The following FES variants were observed in gnomAD, a reference collection of about 807,000 sequenced individuals.
FES encodes the protein FES proto-oncogene, tyrosine kinase, also known as tyrosine-protein kinase Fes/Fps.
Under a neutral mutation model 109.6 loss-of-function variants are expected in FES, and 83 were observed. The ratio of observed to expected loss-of-function variants is 0.76; its 90% confidence interval spans 0.63 to 0.91. The LOEUF (loss-of-function observed/expected upper bound fraction) is 0.91, where lower values mean the gene tolerates loss of function less well. FES is among the 40% of genes least tolerant of loss of function. FES has a pLI of 0.00. For synonymous variants in FES, 458 were observed against 442.1 expected, an observed-to-expected ratio of 1.04 and a Z score of -0.45; for missense variants, 943 against 1,070.9, an observed-to-expected ratio of 0.88 and a Z score of 1.67.
chr15:90,895,142 T>C (rs1468366107), intron 18 of FES, among the ~76,000 whole-genome samples: 1 of 152,174 alleles, frequency 6.6e-6, no homozygotes, highest in East Asian at 1.9e-4. Flanking sequence ...AGGTCACATG[T>C]TATTTCATTT....
intron 12 of FES, 129 bp from the exon 13 acceptor site, chr15:90,891,927 CAG>C (rs1365055200): frequency 8.5e-7 from 1 of 1,179,568 alleles, no homozygotes; most frequent in Non-Finnish European, 1.2e-6. Context: ...GTAGTCATCT[CAG>C]TGTGCTCCCC....
chr15:90,890,902 G>GA, intron 10 of FES, 80 bp from the exon 11 acceptor site: 3 of 1,358,826 alleles, frequency 2.2e-6, no homozygotes, highest in Non-Finnish European at 3.0e-6. Context: ...ATATAGGGGG[G>GA]AGAGAGAGAC....
Position 90,893,318 on chromosome 15 carries a change from C to A in FES, c.1949C>A (p.Thr650Lys). ...GGCGACTTCCTGACCTTCCTCCGCA[C>A]GGAGGGGGCCCGCCTGCGGGTGAAG... ...QGGDFLTFLR[T>K]EGARLRVKTL... Residue 650 changes from threonine to lysine, a missense_variant, in exon 16 of 19, where the codon ACG becomes AAG. Transcript: ENST00000328850. 6.4e-7 allele frequency: 1 copy of A among 1,565,362 alleles called. No individual in the cohort carries two copies. Among genetic ancestry groups the A allele is most frequent in the Non-Finnish European group, 8.6e-7 (1 of 1,157,250 alleles).
chr15:90,887,217 A>G lies in FES; in HGVS notation c.515A>G (p.Tyr172Cys). The change falls in exon 5 of 19, where the codon TAT becomes TGT. Residue 172 changes from tyrosine (Y) to cysteine (C), a missense_variant. Transcript: ENST00000328850. ...GACCGTGACAAGGCTAAGGACAAGT[A>G]TGTGCGCAGCCTGTGGAAGCTCTTT... ...DKDRDKAKDK[Y>C]VRSLWKLFAH... 1 of 1,613,622 alleles carries G rather than the reference A, an allele frequency of 6.2e-7. No individual in the cohort carries two copies. Among genetic ancestry groups the G allele is most frequent in the Non-Finnish European group, 8.5e-7 (1 of 1,179,980 alleles).
In FES at chr15:90,891,200, G is replaced by T. The variant is rs1241249732; in HGVS notation, c.1530+9G>T. 6.4e-7 allele frequency: 1 copy of T among 1,550,914 alleles called. No individual in the cohort carries two copies. Among genetic ancestry groups the T allele is most frequent in the South Asian group, 1.2e-5 (1 of 84,208 alleles). ...TCATCCAGTCCTTGGATGTGAGTGGGGCTGGGACCCGAGCCTTCCAGGCCT... is the reference window on the plus strand; with the variant it reads ...TCATCCAGTCCTTGGATGTGAGTGGTGCTGGGACCCGAGCCTTCCAGGCCT... On this transcript the variant is annotated intron_variant, in intron 11 of 18. Coordinates refer to ENST00000328850, the MANE Select transcript of FES (RefSeq NM_002005.4).
intron 5 of FES, among the ~76,000 whole-genome samples, chr15:90,888,622 G>A (rs2856845): frequency 0.053 from 8,065 of 152,222 alleles, 755 homozygotes; most frequent in African/African-American, 0.18. Flanking sequence ...GAAGTGGGGC[G>A]TGAAATAGAG....
Position 90,892,776 on chromosome 15 carries a change from C to T in FES, c.1777C>T (p.Arg593Ter), listed in dbSNP as rs1245742044. 6 of 1,613,638 alleles carry T rather than the reference C, an allele frequency of 3.7e-6. No homozygotes were observed. The highest frequency in any genetic ancestry group is 3.4e-6 in the Non-Finnish European group (4 of 1,179,958). The change falls in exon 14 of 19, where the codon CGA (arginine) becomes TGA (stop). Residue 593 changes from arginine to a stop codon, truncating the protein, a stop_gained. Transcript: ENST00000328850. LOFTEE classifies it high-confidence loss of function. ...DNTLVAVKSC[R>*]ETLPPDLKAK... ...CACCCTGGTGGCGGTGAAGTCTTGTCGAGAGACGCTCCCACCTGACCTCAA... is the reference window on the plus strand; with the variant it reads ...CACCCTGGTGGCGGTGAAGTCTTGTTGAGAGACGCTCCCACCTGACCTCAA...
In FES at chr15:90,891,608, C is replaced by T; in HGVS notation, c.1585C>T (p.His529Tyr). ...GFPSIPLLID[H>Y]LLSTQQPLTK... ...TCCTAGCATTCCTTTGCTCATCGACCACCTACTGAGCACCCAGCAGCCCCT... is the reference window on the plus strand; with the variant it reads ...TCCTAGCATTCCTTTGCTCATCGACTACCTACTGAGCACCCAGCAGCCCCT... Residue 529 changes from histidine to tyrosine, a missense_variant, in exon 12 of 19, where the codon CAC becomes TAC. His to Tyr is a moderately conservative substitution (Grantham distance 83). Transcript: ENST00000328850. 3 of 1,614,072 alleles carry T rather than the reference C, an allele frequency of 1.9e-6. No individual in the cohort carries two copies. Among genetic ancestry groups the T allele is most frequent in the Non-Finnish European group, 2.5e-6 (3 of 1,180,008 alleles).
At chr15:90,888,001 C>T (rs114375377) in intron 5 of FES, among the ~76,000 whole-genome samples, 2,424 of 152,192 alleles carry the variant, frequency 0.016, 74 homozygotes, top group African/African-American at 0.055. Flanking sequence ...AGGAGGCAGG[C>T]GTCAAGGGCT....
In FES at chr15:90,889,110, C is replaced by G. The variant is rs2032945602; in HGVS notation, c.669-196C>G. ...CCCACTGGATCCTTATTACAACTGC[C>G]AGTGTCCCTCTTATATATATCAGGA... On this transcript the variant is annotated intron_variant, in intron 5 of 18. Transcript: ENST00000328850. This position sits in a 1 kb window ranked among gnomAD's most constrained non-coding sequence, Gnocchi z 6.1. 6.1e-6 allele frequency: 4 copies of G among 652,936 alleles called. No individual in the cohort carries two copies. The East Asian group carries it at 1.1e-4, about 18-fold the overall frequency. The allele number at this position is 652,936 out of a possible 1,614,324, so 40.4% of individuals were successfully genotyped here.
chr15:90,891,985 G>A, intron 12 of FES, 73 bp from the exon 13 acceptor site: 1 of 1,581,648 alleles, frequency 6.3e-7, no homozygotes, highest in South Asian at 1.1e-5. Flanking sequence ...AAAAAATGGA[G>A]GACACAGCCC....
Position 90,892,612 on chromosome 15 carries a change from C to T in FES, c.1708-95C>T, listed in dbSNP as rs574206738. 1.1e-3 allele frequency: 1,451 copies of T among 1,264,088 alleles called. 3 individuals carry two copies. The highest frequency in any genetic ancestry group is 1.4e-3 in the Non-Finnish European group (1,303 of 901,470). 78.3% of individuals were successfully genotyped at this position (1,264,088 alleles called of 1,614,324 possible). On this transcript the variant is annotated intron_variant, in intron 13 of 18. Coordinates refer to ENST00000328850, the MANE Select transcript of FES (RefSeq NM_002005.4). ...TGGGTGAGGGGTCCGAACACGGGGG[C>T]CCCTCACCCAGGGGTAGGAAGCAGA...
Position 90,891,198 on chromosome 15 carries a change from G to A in FES, c.1530+7G>A, listed in dbSNP as rs2033182245. 2 of 1,551,250 alleles carry A rather than the reference G, an allele frequency of 1.3e-6. No homozygotes were observed. The highest frequency in any genetic ancestry group is 3.9e-5 in the Admixed American group (2 of 51,162). Reference sequence around the variant, plus strand: ...CATCATCCAGTCCTTGGATGTGAGTGGGGCTGGGACCCGAGCCTTCCAGGC... The same window carrying A: ...CATCATCCAGTCCTTGGATGTGAGTAGGGCTGGGACCCGAGCCTTCCAGGC... On this transcript the variant is annotated splice_region_variant and intron_variant, in intron 11 of 18. Transcript: ENST00000328850.
At position 90,885,469 on chromosome 15, in the gene FES, G is replaced by A. The variant is rs754622910; in HGVS notation, c.271G>A (p.Ala91Thr). The change falls in exon 3 of 19, where the codon GCA becomes ACA. Residue 91 changes from alanine (A) to threonine (T), a missense_variant. Coordinates refer to ENST00000328850, the MANE Select transcript of FES (RefSeq NM_002005.4). ...CCTGAGCCGCTTGCTGCGGCAGCACGCAGAGGATCTGAACTCAGGGCCCCT... is the reference window on the plus strand; with the variant it reads ...CCTGAGCCGCTTGCTGCGGCAGCACACAGAGGATCTGAACTCAGGGCCCCT... ...EGLSRLLRQH[A>T]EDLNSGPLSK... is the part of the protein sequence containing the mutation. 4 of 1,613,380 alleles carry A rather than the reference G, an allele frequency of 2.5e-6. No individual in the cohort carries two copies. Among genetic ancestry groups the A allele is most frequent in the East Asian group, 2.2e-5 (1 of 44,880 alleles).
chr15:90,892,611 G>GC (rs2033328416), intron 13 of FES, 96 bp from the exon 14 acceptor site: 1 of 1,240,382 alleles, frequency 8.1e-7, no homozygotes, highest in African/African-American at 1.5e-5. Context: ...GAACACGGGG[G>GC]CCCCTCACCC....
rs1165790769 is a variant in FES, at chr15:90,890,429, C to T, written c.1265C>T (p.Pro422Leu). The T allele has an allele frequency of 4.3e-6, 7 of 1,613,218 alleles. No homozygotes were observed. Among genetic ancestry groups the T allele is most frequent in the Admixed American group, 1.7e-5 (1 of 60,004 alleles). ...CAGGAGCGAGAGGGGGGAAGGACACCCACGCTGGAGATCCTTAAGAGCCAC... is the reference window on the plus strand; with the variant it reads ...CAGGAGCGAGAGGGGGGAAGGACACTCACGCTGGAGATCCTTAAGAGCCAC... ...SEQEREGGRT[P>L]TLEILKSHIS... Residue 422 changes from proline (P) to leucine (L), a missense_variant, in exon 10 of 19, where the codon CCC (proline) becomes CTC (leucine). Transcript: ENST00000328850.
At chr15:90,895,358 C>T (rs2033615134) in intron 18 of FES, 58 bp from the exon 19 acceptor site, 2 of 1,419,358 alleles carry the variant, frequency 1.4e-6, no homozygotes. Flanking sequence ...CCCCCAGAGT[C>T]TGCCGAGGAC....
rs1404929723 is a variant in FES at position 90,895,690 on chromosome 15, T to C, written c.*132T>C. ...ACCAGCATCCACACTGCCGGCAGGA[T>C]GCAGCGCCGTGTCCTCTCTGTGTCC... On this transcript the variant is annotated 3_prime_UTR_variant, in exon 19 of 19. Transcript: ENST00000328850. The C allele has an allele frequency of 5.4e-6, 4 of 734,964 alleles. No homozygotes were observed. The highest frequency in any genetic ancestry group is 8.1e-6 in the Non-Finnish European group (4 of 493,460). 45.5% of individuals were successfully genotyped at this position (734,964 alleles called of 1,614,324 possible).
chr15:90,893,000 G>T, intron 14 of FES, 100 bp from the exon 15 acceptor site: 1 of 1,428,390 alleles, frequency 7.0e-7, no homozygotes, highest in South Asian at 1.2e-5. Flanking sequence ...ACACGTCCGG[G>T]TCTGCTGGCC....
Sources: gnomAD v4.1 joint callset for allele counts (sites outside exome capture counted in the v4.1 genomes callset) on GRCh38, gnomAD v4.1.1 for gene constraint, Gnocchi (gnomAD v3.1) non-coding constraint, MANE v1.5 for transcripts, NCBI Gene and HGNC (gene_info 2026-07-23, HGNC 2026-07-21) for gene names.